Variants in USP32 observed in about 807,000 individuals in gnomAD.
The protein encoded by USP32 is ubiquitin specific peptidase 32, also known as ubiquitin carboxyl-terminal hydrolase 32.
USP32 carries 59 observed loss-of-function variants against 204.8 expected under a neutral mutation model. The observed-to-expected ratio is 0.29, with a 90% CI of 0.23 to 0.36. The LOEUF (loss-of-function observed/expected upper bound fraction) is 0.36. Ranked by LOEUF, USP32 falls within the 10% of genes least tolerant of loss-of-function variation. USP32 has a pLI of 1.00. For synonymous variants in USP32, 517 were observed against 678.4 expected (o/e 0.76, Z 3.70); for missense variants, 1,160 against 1,946.4 (o/e 0.60, Z 7.60).
At chr17:60,265,521 T>C (rs1415900303) in intron 8 of USP32, 47 bp from the exon 9 acceptor site, 3 of 1,252,248 alleles carry the variant, frequency 2.4e-6, no homozygotes, top group Middle Eastern at 4.5e-4. Flanking sequence ...TGAATATACT[T>C]TTAATTTTGT....
intron 12 of USP32, among the ~76,000 whole-genome samples, chr17:60,233,316 A>T (rs1418460401): frequency 6.6e-6 from 1 of 152,144 alleles, no homozygotes; most frequent in Non-Finnish European, 1.5e-5. Context: ...AAATCAAAAA[A>T]TTAGCCAGGT....
chr17:60,296,881 GA>G (rs2087442871), intron 3 of USP32, among the ~76,000 whole-genome samples: 1 of 152,074 alleles, frequency 6.6e-6, no homozygotes, highest in Non-Finnish European at 1.5e-5. Context: ...TGGCCAAGGG[GA>G]CCCCAGAAAA....
In USP32 at chr17:60,412,420, G is replaced by C. The variant is rs532437188; in HGVS notation, c.106+9826C>G. On this transcript the variant is annotated intron_variant, in intron 1 of 3. Coordinates refer to the USP32 transcript ENST00000588898. ...TAGTGGGGAATGGGGGCGGTGGGGC[G>C]GGGGAGCAGGTGGCTGAGGCAGGAA... is the stretch of plus-strand genomic sequence containing the variant. Among the ~76,000 whole-genome samples, 47 of 151,924 alleles carry C rather than the reference G, an allele frequency of 3.1e-4. 1 individual carries two copies. The highest frequency in any genetic ancestry group is 6.2e-4 in the Non-Finnish European group (42 of 67,956).
intron 6 of USP32, among the ~76,000 whole-genome samples, chr17:60,269,875 T>A (rs2086685297): frequency 6.6e-6 from 1 of 151,700 alleles, no homozygotes; most frequent in Non-Finnish European, 1.5e-5. Context: ...CAAAAAAAGG[T>A]CAGAAATTGC....
intron 9 of USP32, among the ~76,000 whole-genome samples, chr17:60,256,138 A>C (rs1344353330): frequency 6.6e-6 from 1 of 152,128 alleles, no homozygotes; most frequent in African/African-American, 2.4e-5. Flanking sequence ...CAGGAGCATG[A>C]GTCCAGCCTG....
intron 1 of USP32, among the ~76,000 whole-genome samples, chr17:60,379,264 T>C (rs989526644): frequency 2.2e-4 from 34 of 152,118 alleles, no homozygotes; most frequent in Admixed American, 1.2e-3. Flanking sequence ...CTGGCATAAA[T>C]TGAGGCAAAT....
intron 1 of USP32, chr17:60,421,814 C>T: frequency 1.0e-6 from 1 of 976,254 alleles, no homozygotes; most frequent in Non-Finnish European, 1.2e-6. Flanking sequence ...GGTGGCGGGA[C>T]TTTCGCCGAC....
At chr17:60,227,692 C>T (rs765205617) in intron 12 of USP32, among the ~76,000 whole-genome samples, 29 of 151,988 alleles carry the variant, frequency 1.9e-4, no homozygotes, top group Admixed American at 9.2e-4. Flanking sequence ...GGATTAAAGG[C>T]GTGAGCCACT....
intron 12 of USP32, among the ~76,000 whole-genome samples, chr17:60,231,890 G>A (rs1323998843): frequency 2.0e-5 from 3 of 152,162 alleles, no homozygotes; most frequent in Non-Finnish European, 4.4e-5. Context: ...GATTCCATGA[G>A]CAGAGACACA....
At chr17:60,386,814 A>G (rs780430220) in intron 1 of USP32, among the ~76,000 whole-genome samples, 10 of 152,212 alleles carry the variant, frequency 6.6e-5, no homozygotes, top group Non-Finnish European at 1.2e-4. Context: ...TCCTCTTGTC[A>G]GAGACACACC....
At chr17:60,361,857 G>T (rs1422085257) in intron 1 of USP32, among the ~76,000 whole-genome samples, 3 of 151,998 alleles carry the variant, frequency 2.0e-5, no homozygotes, top group Non-Finnish European at 4.4e-5. Flanking sequence ...GAGAGAGAAA[G>T]ATACATGTAT....
At chr17:60,251,773 A>G (rs1314530625) in intron 11 of USP32, among the ~76,000 whole-genome samples, 1 of 152,174 alleles carries the variant, frequency 6.6e-6, no homozygotes, top group East Asian at 1.9e-4. Context: ...GATTTTATTA[A>G]CAAAATTGGT....
At chr17:60,380,304 C>T (rs1230637295) in intron 1 of USP32, among the ~76,000 whole-genome samples, 1 of 152,190 alleles carries the variant, frequency 6.6e-6, no homozygotes, top group Non-Finnish European at 1.5e-5. Flanking sequence ...CAGTGGCTCA[C>T]GCCTGTAATC....
intron 11 of USP32, among the ~76,000 whole-genome samples, chr17:60,251,914 TAGG>T (rs2086179191): frequency 6.6e-6 from 1 of 152,002 alleles, no homozygotes; most frequent in African/African-American, 2.4e-5. Flanking sequence ...AGAGTGAAAA[TAGG>T]AGCAGGGAAT....
Position 60,271,146 on chromosome 17 carries a change from A to C in USP32, c.703+204T>G, listed in dbSNP as rs16944256. On this transcript the variant is annotated intron_variant, in intron 6 of 33. Coordinates refer to ENST00000300896, the MANE Select transcript of USP32 (RefSeq NM_032582.4). ...TGAGCATGCTCGGGTGCAGAGAGCT[A>C]AACTGATTTATGCAAGGTTATAACA... 9.3e-3 allele frequency among the ~76,000 whole-genome samples: 1,421 copies of C among 152,334 alleles called. 16 individuals are homozygous for C. Among genetic ancestry groups the C allele is most frequent in the African/African-American group, 0.032 (1,330 of 41,572 alleles).
chr17:60,289,069 G>A lies in USP32; in HGVS notation c.412-387C>T, dbSNP rs371811691. On this transcript the variant is annotated intron_variant, in intron 4 of 33. Transcript: ENST00000300896. Reference sequence around the variant, plus strand: ...GTCGCCCAGGCTGGAGTGCAGTGGCGCGATCTCGGCTCACTGCAAGCTCTG... The same window carrying A: ...GTCGCCCAGGCTGGAGTGCAGTGGCACGATCTCGGCTCACTGCAAGCTCTG... 3.9e-5 allele frequency among the ~76,000 whole-genome samples: 6 copies of A among 152,252 alleles called. No individual in the cohort carries two copies. In the East Asian group the frequency reaches 7.7e-4, roughly 20 times the overall value.
chr17:60,416,920 CT>C (rs113006047), intron 1 of USP32, among the ~76,000 whole-genome samples: 22,325 of 138,774 alleles, frequency 0.16, 3,377 homozygotes, highest in African/African-American at 0.45. Context: ...TATCCAATTC[CT>C]TTTTTTTTTT....
At chr17:60,375,574 T>A (rs1598298917) in intron 1 of USP32, among the ~76,000 whole-genome samples, 1 of 152,158 alleles carries the variant, frequency 6.6e-6, no homozygotes, top group Non-Finnish European at 1.5e-5. Flanking sequence ...CTCTTAACAC[T>A]ATTTTTCCTT....
intron 2 of USP32, among the ~76,000 whole-genome samples, chr17:60,330,731 G>C (rs917420371): frequency 7.9e-5 from 12 of 152,038 alleles, no homozygotes; most frequent in Non-Finnish European, 1.5e-5. Context: ...ATTTTTTGTA[G>C]AGATGGGGTC....
Sources: gnomAD v4.1 joint callset for allele counts (sites outside exome capture counted in the v4.1 genomes callset) on GRCh38, gnomAD v4.1.1 for gene constraint, MANE v1.5 for transcripts, NCBI Gene and HGNC (gene_info 2026-07-23, HGNC 2026-07-21) for gene names.